Variants in TENM3 observed in about 807,000 individuals in gnomAD.
TENM3 encodes the protein teneurin transmembrane protein 3.
TENM3 carries 63 observed loss-of-function variants against 255.1 expected under a neutral mutation model. The observed-to-expected ratio is 0.25, with a 90% CI of 0.20 to 0.30. TENM3 has a LOEUF of 0.30. Ranked by LOEUF, TENM3 falls within the 10% of genes least tolerant of loss-of-function variation. The probability of loss-of-function intolerance (pLI) is 1.00; values close to 1 mark genes in which losing one functional copy is unlikely to be tolerated. For synonymous variants in TENM3, 1,306 were observed against 1,322.3 expected (o/e 0.99, Z 0.27); for missense variants, 2,929 against 3,461.1 (o/e 0.85, Z 3.86).
At chr4:181,640,342 C>G in the TENM3 span, among the ~76,000 whole-genome samples, 15 of 152,166 alleles carry the variant, frequency 9.9e-5, no homozygotes, top group African/African-American at 3.6e-4. Context: ...AAAGAAGCAA[C>G]TGGAAAGTGC....
rs1760588595 is a variant in TENM3, at chr4:182,730,319, T to C, written c.2705T>C (p.Met902Thr). ...TATACTATTACCCGCCAGGACGGAA[T>C]GTGAGTTAGTCCCATCACACTATCT... ...YGYTITRQDG[M>T]FDLVANGGAS... The change falls in exon 15 of 28, where the codon ATG becomes ACG. Residue 902 changes from methionine to threonine, a missense_variant and splice_region_variant. Around this residue, in one of 6 missense-constraint regions of TENM3, gnomAD observed 1,608 missense variants for 1,884.4 expected, o/e 0.85. Coordinates refer to ENST00000511685, the MANE Select transcript of TENM3 (RefSeq NM_001080477.4). 1.2e-6 allele frequency: 2 copies of C among 1,613,552 alleles called. No individual in the cohort carries two copies. The highest frequency in any genetic ancestry group is 1.7e-6 in the Non-Finnish European group (2 of 1,179,730).
At position 182,770,805 on chromosome 4, in the gene TENM3, G is replaced by T. The variant is rs146449294; in HGVS notation, c.4893-2667G>T. On this transcript the variant is annotated intron_variant, in intron 22 of 27. Transcript: ENST00000511685. ...ACGCTTTAGCTTGCACGGAAAGGCT[G>T]TTCTGAAACTGTTGGGTGCCGGGTT... Among the ~76,000 whole-genome samples, 90 of 152,324 alleles carry T rather than the reference G, an allele frequency of 5.9e-4. 1 individual carries two copies. Among genetic ancestry groups the T allele is most frequent in the African/African-American group, 2.0e-3 (82 of 41,570 alleles).
intron 1 of TENM3, among the ~76,000 whole-genome samples, chr4:182,298,398 C>T (rs1338181472): frequency 6.6e-6 from 1 of 152,170 alleles, no homozygotes; most frequent in African/African-American, 2.4e-5. Context: ...ATTCTCTTCT[C>T]AAATACAAAG....
At chr4:182,313,132 TTTTG>T (rs1455024043) in intron 1 of TENM3, among the ~76,000 whole-genome samples, 1 of 152,100 alleles carries the variant, frequency 6.6e-6, no homozygotes, top group Non-Finnish European at 1.5e-5. Flanking sequence ...CATTTTCAGT[TTTTG>T]TTTCCTTCTA....
At chr4:181,504,809 A>G in the TENM3 span, among the ~76,000 whole-genome samples, 2,491 of 152,318 alleles carry the variant, frequency 0.016, 29 homozygotes, top group Non-Finnish European at 0.025. Context: ...CCTATAGTTA[A>G]GAAATCAAGA....
At chr4:181,955,717 T>A in the TENM3 span, among the ~76,000 whole-genome samples, 4 of 152,164 alleles carry the variant, frequency 2.6e-5, no homozygotes, top group Non-Finnish European at 4.4e-5. Flanking sequence ...AGGGAGCCAC[T>A]TAACGAAGGG....
chr4:182,723,485 A>G (rs1236829261), intron 13 of TENM3, among the ~76,000 whole-genome samples: 1 of 152,212 alleles, frequency 6.6e-6, no homozygotes, highest in Non-Finnish European at 1.5e-5. Context: ...TAAAAAAGAA[A>G]ATTCATGACT....
chr4:182,760,889 C>T (rs932136379), intron 22 of TENM3, among the ~76,000 whole-genome samples: 8 of 152,138 alleles, frequency 5.3e-5, no homozygotes, highest in Admixed American at 5.2e-4. Context: ...ATGTGAACAG[C>T]GCATGTGCTA....
At chr4:181,697,092 T>C in the TENM3 span, among the ~76,000 whole-genome samples, 1 of 152,208 alleles carries the variant, frequency 6.6e-6, no homozygotes, top group Non-Finnish European at 1.5e-5. Flanking sequence ...CCAACAATTA[T>C]CTGTCTGCTA....
chr4:181,978,645 CAA>C, the TENM3 span, among the ~76,000 whole-genome samples: 13 of 72,964 alleles, frequency 1.8e-4, no homozygotes, highest in South Asian at 3.8e-4. Context: ...GAGTCCATCT[CAA>C]AAAAAAAAAA....
At chr4:182,075,200 CTTT>C in the TENM3 span, among the ~76,000 whole-genome samples, 3 of 128,186 alleles carry the variant, frequency 2.3e-5, no homozygotes, top group Non-Finnish European at 1.6e-5. Context: ...TGTTTTTTTT[CTTT>C]TTTTTTTTTT....
rs536920379 is a variant in TENM3, at chr4:182,702,961, C to T, written c.2222-11126C>T. Among the ~76,000 whole-genome samples, 49 of 152,110 alleles carry T rather than the reference C, an allele frequency of 3.2e-4. No individual in the cohort carries two copies. The East Asian group carries it at 8.9e-3, about 28-fold the overall frequency. On this transcript the variant is annotated intron_variant, in intron 12 of 27. Transcript: ENST00000511685. ...CCATGTTAGCCAGGATGGTCTCGAT[C>T]TCCTGACCTCGTGATCTGCCCGCCT...
the TENM3 span, among the ~76,000 whole-genome samples, chr4:181,458,736 C>T: frequency 2.8e-3 from 432 of 151,898 alleles, 3 homozygotes; most frequent in Middle Eastern, 0.01. Context: ...TAATACATTG[C>T]TTTGTATTTT....
At chr4:181,582,439 C>G in the TENM3 span, among the ~76,000 whole-genome samples, 1 of 152,098 alleles carries the variant, frequency 6.6e-6, no homozygotes, top group Non-Finnish European at 1.5e-5. Flanking sequence ...TGCAGTTGGG[C>G]TGAGTTAATC....
chr4:181,736,251 C>T, the TENM3 span, among the ~76,000 whole-genome samples: 18 of 152,228 alleles, frequency 1.2e-4, no homozygotes, highest in East Asian at 7.8e-4. Context: ...TAAGGCGAGA[C>T]GGCGCCATTG....
chr4:181,983,837 C>T, the TENM3 span, among the ~76,000 whole-genome samples: 1 of 151,988 alleles, frequency 6.6e-6, no homozygotes, highest in African/African-American at 2.4e-5. Flanking sequence ...ATACTGAACT[C>T]GTCTCAAAAA....
intron 5 of TENM3, among the ~76,000 whole-genome samples, chr4:182,652,656 A>G (rs1022766100): frequency 1.3e-5 from 2 of 152,252 alleles, no homozygotes; most frequent in East Asian, 1.9e-4. Context: ...GTAGCAGGTC[A>G]GTGCCGTTAC....
At chr4:181,849,096 G>C in the TENM3 span, among the ~76,000 whole-genome samples, 1 of 152,164 alleles carries the variant, frequency 6.6e-6, no homozygotes, top group Non-Finnish European at 1.5e-5. Context: ...TCACATTTCA[G>C]CTACAGTGAG....
At chr4:182,158,545 T>A (rs1398108830) in intron 1 of TENM3, among the ~76,000 whole-genome samples, 1 of 152,174 alleles carries the variant, frequency 6.6e-6, no homozygotes. Flanking sequence ...GAGAAAATGT[T>A]TTCAGTTTAC....
Sources: gnomAD v4.1 joint callset for allele counts (sites outside exome capture counted in the v4.1 genomes callset) on GRCh38, gnomAD v4.1.1 for gene constraint, gnomAD v4.1.1 regional missense constraint, MANE v1.5 for transcripts, NCBI Gene and HGNC (gene_info 2026-07-23, HGNC 2026-07-21) for gene names.